ZNF157: variants seen among roughly 807,000 people sequenced by gnomAD.
ZNF157 encodes zinc finger protein 22.
Under a neutral mutation model 9.4 loss-of-function variants are expected in ZNF157, and 8 were observed. The observed-to-expected ratio is 0.85, with a 90% CI of 0.50 to 1.53. The LOEUF (loss-of-function observed/expected upper bound fraction) is 1.53, where lower values mean the gene tolerates loss of function less well. Ranked by LOEUF, ZNF157 falls within the 40% of genes most tolerant of loss-of-function variation. The pLI is 0.00. For synonymous variants in ZNF157, 120 were observed against 130.8 expected (o/e 0.92, Z 0.56); for missense variants, 316 against 385.2 (o/e 0.82, Z 1.50).
intron 1 of ZNF157, among the ~76,000 whole-genome samples, chrX:47,374,397 C>CTTT (rs749372735): frequency 2.3e-5 from 2 of 85,455 alleles, no homozygotes; most frequent in African/African-American, 4.7e-5. Context: ...AATAGACAAT[C>CTTT]TTTTTTTTTT....
Position 47,370,600 on chromosome X carries a change from G to C in ZNF157, c.-69G>C. On this transcript the variant is annotated 5_prime_UTR_variant, in exon 1 of 4. Coordinates refer to ENST00000377073, the MANE Select transcript of ZNF157 (RefSeq NM_003446.4). ...AGCCATTGAGCCTTACCCCTTACTG[G>C]AGGCTGCAGGACCCTCTACACACAG... 2 of 994,515 alleles carry C rather than the reference G, an allele frequency of 2.0e-6. No homozygotes were observed. The highest frequency in any genetic ancestry group is 2.7e-6 in the Non-Finnish European group (2 of 730,253). The allele number at this position is 994,515 out of a possible 1,213,427, so 82.0% of individuals were successfully genotyped here. A position where few individuals can be genotyped will look rare whatever the true frequency, so the allele number is the denominator to read the frequency against.
chrX:47,410,217 T>A (rs2055959973), intron 1 of ZNF157, 59 bp from the exon 2 acceptor site: 2 of 1,200,126 alleles, frequency 1.7e-6, no homozygotes, highest in African/African-American at 3.5e-5. Flanking sequence ...TTGAGAAGAT[T>A]AGTTCCTGCA....
chrX:47,413,566 G>A lies in ZNF157; in HGVS notation c.1493G>A (p.Arg498His), dbSNP rs147394827. ...AGAACTCACATAGGCTGGTCCTGGC[G>A]TTGTACAATGAAGAAAGCCTCTCAC... ...HQRTHIGWSW[R>H]CTMKKASH The change falls in exon 4 of 4, where the codon CGT (arginine) becomes CAT (histidine). Residue 498 changes from arginine to histidine, a missense_variant. By Grantham distance (29) the Arg-to-His change is conservative (BLOSUM62 0). This residue lies in a region of ZNF157 where 167 missense variants were observed against 183.6 expected (regional missense o/e 0.91). Coordinates refer to ENST00000377073, the MANE Select transcript of ZNF157 (RefSeq NM_003446.4). 9.4e-4 allele frequency: 1,120 copies of A among 1,197,206 alleles called. 4 individuals are homozygous for A. The highest frequency in any genetic ancestry group is 8.0e-3 in the Middle Eastern group (34 of 4,252).
intron 1 of ZNF157, among the ~76,000 whole-genome samples, chrX:47,399,631 A>C (rs1056410204): frequency 8.9e-6 from 1 of 111,808 alleles, no homozygotes; most frequent in African/African-American, 3.2e-5. Flanking sequence ...AAACTTGGGA[A>C]GGTGTGTAAG....
At chrX:47,390,654 C>T (rs181660556) in intron 1 of ZNF157, among the ~76,000 whole-genome samples, 1 of 112,527 alleles carries the variant, frequency 8.9e-6, no homozygotes, top group Admixed American at 9.4e-5. Context: ...GCAGTGAGCC[C>T]AGATTGCGCC....
At chrX:47,382,429 C>T in intron 1 of ZNF157, among the ~76,000 whole-genome samples, 1 of 105,726 alleles carries the variant, frequency 9.5e-6, no homozygotes, top group East Asian at 3.0e-4. Context: ...GCTGGGATTA[C>T]AGGCTTGTCT....
At chrX:47,406,650 C>T (rs1327537151) in intron 1 of ZNF157, among the ~76,000 whole-genome samples, 8 of 112,438 alleles carry the variant, frequency 7.1e-5, no homozygotes, top group Non-Finnish European at 1.3e-4. Context: ...GCTGGGATTA[C>T]AGGCGTGAGC....
At position 47,397,661 on chromosome X, in the gene ZNF157, C is replaced by T. The variant is rs183413744; in HGVS notation, c.73-12615C>T. On this transcript the variant is annotated intron_variant, in intron 1 of 3. Transcript: ENST00000377073. ...AACTCCTGACCTCAAATGATCTGCC[C>T]GCCTTGGCCTCCCAAATTGCTGGGA... is the stretch of plus-strand genomic sequence containing the variant. 5.4e-3 allele frequency among the ~76,000 whole-genome samples: 598 copies of T among 111,441 alleles called. 5 individuals carry two copies. Among genetic ancestry groups the T allele is most frequent in the Non-Finnish European group, 8.5e-3 (449 of 53,096 alleles).
intron 1 of ZNF157, among the ~76,000 whole-genome samples, chrX:47,382,256 C>T (rs1275957871): frequency 9.7e-6 from 1 of 102,655 alleles, no homozygotes; most frequent in Non-Finnish European, 2.0e-5. Flanking sequence ...TATCAATTTA[C>T]GTTGCCAGGG....
At chrX:47,405,513 A>G (rs1399197631) in intron 1 of ZNF157, among the ~76,000 whole-genome samples, 1 of 111,656 alleles carries the variant, frequency 9.0e-6, no homozygotes, top group African/African-American at 3.3e-5. Context: ...ACAGAGCCAA[A>G]CCACATCAGG....
At chrX:47,397,151 T>C (rs68161224) in intron 1 of ZNF157, among the ~76,000 whole-genome samples, 9,905 of 110,108 alleles carry the variant, frequency 0.09, 1,160 homozygotes, top group African/African-American at 0.31. Flanking sequence ...TCACAGGGCA[T>C]TGTAGTGTGC....
At chrX:47,395,782 T>C (rs1160412850) in intron 1 of ZNF157, among the ~76,000 whole-genome samples, 1 of 110,350 alleles carries the variant, frequency 9.1e-6, no homozygotes, top group African/African-American at 3.3e-5. Context: ...CTGGGCAACA[T>C]GGTGAAAACC....
chrX:47,388,243 C>T (rs1038099420), intron 1 of ZNF157, among the ~76,000 whole-genome samples: 3 of 109,531 alleles, frequency 2.7e-5, no homozygotes, highest in Admixed American at 1.0e-4. Context: ...CTTGTCATCA[C>T]GCCCAGCTAA....
At chrX:47,396,526 C>T (rs138476218) in intron 1 of ZNF157, among the ~76,000 whole-genome samples, 2,713 of 109,448 alleles carry the variant, frequency 0.025, 79 homozygotes, top group African/African-American at 0.085. Flanking sequence ...GCAACAAGAG[C>T]GAAACTCCGT....
chrX:47,396,601 A>C (rs748316168), intron 1 of ZNF157, among the ~76,000 whole-genome samples: 2 of 111,614 alleles, frequency 1.8e-5, no homozygotes, highest in South Asian at 7.4e-4. Flanking sequence ...ACATGGTCAT[A>C]GCTGGTATTT....
chrX:47,375,940 C>T (rs2055843766), intron 1 of ZNF157, among the ~76,000 whole-genome samples: 1 of 111,723 alleles, frequency 9.0e-6, no homozygotes, highest in African/African-American at 3.2e-5. Context: ...AGCAATTTGC[C>T]CACCTCAGCC....
At chrX:47,391,883 C>T (rs2055898351) in intron 1 of ZNF157, among the ~76,000 whole-genome samples, 1 of 92,042 alleles carries the variant, frequency 1.1e-5, no homozygotes, top group East Asian at 4.0e-4. Context: ...GGATACTGAA[C>T]CTGTATTGAT....
rs746562581 is a variant in ZNF157 at position 47,412,835 on chromosome X, C to A, written c.762C>A (p.Thr254=). ...RPYECTECGK[T]FSEKATLTIH... ...ATGAATGTACTGAATGTGGGAAAAC[C>A]TTTTCTGAGAAGGCAACCCTCACGA... The change falls in exon 4 of 4, where the codon ACC becomes ACA. Residue 254 remains threonine (T), a synonymous_variant. Coordinates refer to ENST00000377073, the MANE Select transcript of ZNF157 (RefSeq NM_003446.4). 1 of 1,209,983 alleles carries A rather than the reference C, an allele frequency of 8.3e-7. No individual in the cohort carries two copies. Among genetic ancestry groups the A allele is most frequent in the African/African-American group, 1.7e-5 (1 of 57,227 alleles).
intron 1 of ZNF157, among the ~76,000 whole-genome samples, chrX:47,406,893 A>G (rs1602773551): frequency 8.9e-6 from 1 of 112,172 alleles, no homozygotes; most frequent in African/African-American, 3.2e-5. Context: ...TTCGAATAGG[A>G]TTCGTAAAAG....
Sources: gnomAD v4.1 joint callset for allele counts (sites outside exome capture counted in the v4.1 genomes callset) on GRCh38, gnomAD v4.1.1 for gene constraint, gnomAD v4.1.1 regional missense constraint, MANE v1.5 for transcripts, NCBI Gene and HGNC (gene_info 2026-07-23, HGNC 2026-07-21) for gene names.